Variants in CRTC3 observed in about 807,000 individuals in gnomAD.
The protein encoded by CRTC3 is CREB regulated transcription coactivator 3.
In CRTC3, 26 loss-of-function variants were observed where a neutral mutation model predicts 74.5. The ratio of observed to expected loss-of-function variants is 0.35; its 90% CI spans 0.26 to 0.48. The LOEUF is 0.48. CRTC3 is among the 20% of genes least tolerant of loss of function. The pLI is 0.99. For synonymous variants in CRTC3, 377 were observed against 325.8 expected (o/e 1.16, Z -1.69); for missense variants, 760 against 787.3 (o/e 0.97, Z 0.41).
At chr15:90,598,302 CAGG>C in intron 3 of CRTC3, 1 of 640,710 alleles carries the variant, frequency 1.6e-6, no homozygotes, top group South Asian at 1.8e-5. Context: ...AAGAAAGGGC[CAGG>C]GCGGGTCTTG....
chr15:90,556,958 CTATATATATATATATA>C (rs6145675), intron 2 of CRTC3, among the ~76,000 whole-genome samples: 7,438 of 130,396 alleles, frequency 0.057, 245 homozygotes, highest in South Asian at 0.077. Flanking sequence ...CACCACATGG[CTATATATATATATATA>C]TATATATATA....
rs1267963397 is a variant in CRTC3 at position 90,530,824 on chromosome 15, T to G, written c.132+621T>G. 2 of 152,446 alleles carry G rather than the reference T, an allele frequency of 1.3e-5. No individual in the cohort carries two copies. The highest frequency in any genetic ancestry group is 2.9e-5 in the Non-Finnish European group (2 of 68,302). 9.4% of individuals were successfully genotyped at this position (152,446 alleles called of 1,614,324 possible). ...ACTTTGTTCGGCCCGGGATATTTAG[T>G]GAGAACTGACAAGCGTCGCTGGTGA... On this transcript the variant is annotated intron_variant, in intron 1 of 14. Coordinates refer to ENST00000268184, the MANE Select transcript of CRTC3 (RefSeq NM_022769.5). The surrounding 1 kb of genome is among the most constrained non-coding windows in gnomAD (Gnocchi z 6.2).
chr15:90,584,925 T>G (rs905930145), intron 2 of CRTC3, among the ~76,000 whole-genome samples: 9 of 152,166 alleles, frequency 5.9e-5, no homozygotes, highest in Non-Finnish European at 8.8e-5. Context: ...AGCATTATCG[T>G]CAATGAATAG....
intron 2 of CRTC3, among the ~76,000 whole-genome samples, chr15:90,584,820 C>T (rs1967622576): frequency 6.6e-6 from 1 of 152,072 alleles, no homozygotes; most frequent in South Asian, 2.1e-4. Flanking sequence ...CAACCAGTCT[C>T]CTCTCCTACC....
In CRTC3 at chr15:90,643,524, T is replaced by A. The variant is rs558779248; in HGVS notation, c.*1384T>A. ...GAAGATCTTCCTTCTCAGATCCACG[T>A]TTGGCTCTAAATTGCTTCAAGTAGA... On this transcript the variant is annotated 3_prime_UTR_variant, in exon 15 of 15. Coordinates refer to ENST00000268184, the MANE Select transcript of CRTC3 (RefSeq NM_022769.5). 5.3e-4 allele frequency: 120 copies of A among 228,302 alleles called. No individual in the cohort carries two copies. The highest frequency in any genetic ancestry group is 2.6e-3 in the African/African-American group (116 of 45,088). 14.1% of individuals were successfully genotyped at this position (228,302 alleles called of 1,614,324 possible).
chr15:90,545,066 T>A (rs1376559972), intron 2 of CRTC3, among the ~76,000 whole-genome samples: 1 of 152,206 alleles, frequency 6.6e-6, no homozygotes, highest in African/African-American at 2.4e-5. Flanking sequence ...CTTTGACTAT[T>A]CTAAGTGCCT....
chr15:90,569,764 G>A (rs878898337), intron 2 of CRTC3, among the ~76,000 whole-genome samples: 1 of 151,698 alleles, frequency 6.6e-6, no homozygotes, highest in Non-Finnish European at 1.5e-5. Context: ...ATTTTTTGTA[G>A]AGACAGAGTC....
At chr15:90,589,804 TG>T (rs1216225787) in intron 2 of CRTC3, among the ~76,000 whole-genome samples, 1 of 152,026 alleles carries the variant, frequency 6.6e-6, no homozygotes, top group African/African-American at 2.4e-5. Context: ...GTGGCCAACA[TG>T]GTGAAACCCA....
At chr15:90,625,732 C>A in intron 9 of CRTC3, 44 bp from the exon 10 acceptor site, 1 of 1,558,208 alleles carries the variant, frequency 6.4e-7, no homozygotes, top group Non-Finnish European at 8.9e-7. Flanking sequence ...TTCCCAACAG[C>A]CAAATACATT....
At chr15:90,632,571 C>T (rs189188298) in intron 11 of CRTC3, among the ~76,000 whole-genome samples, 110 of 152,278 alleles carry the variant, frequency 7.2e-4, no homozygotes, top group African/African-American at 2.6e-3. Context: ...CTAGAGATGG[C>T]TGTCAACCAT....
intron 2 of CRTC3, among the ~76,000 whole-genome samples, chr15:90,561,655 A>G (rs1346511650): frequency 6.6e-6 from 1 of 152,194 alleles, no homozygotes; most frequent in African/African-American, 2.4e-5. Flanking sequence ...TCCTTAATCC[A>G]GCCTCTGACT....
chr15:90,627,095 A>G (rs1968862796), intron 10 of CRTC3, among the ~76,000 whole-genome samples: 1 of 152,230 alleles, frequency 6.6e-6, no homozygotes, highest in South Asian at 2.1e-4. Context: ...TCATCCATGC[A>G]AATCAGAACT....
intron 2 of CRTC3, among the ~76,000 whole-genome samples, chr15:90,583,760 C>T (rs1383456014): frequency 6.6e-6 from 1 of 152,104 alleles, no homozygotes; most frequent in African/African-American, 2.4e-5. Flanking sequence ...GTGTTGGGGG[C>T]TGCTGTCAGA....
chr15:90,625,982 G>A lies in CRTC3; in HGVS notation c.956G>A (p.Arg319Lys). The change falls in exon 10 of 15, where the codon AGA (arginine) becomes AAA (lysine). Residue 319 changes from arginine to lysine, a missense_variant. Physicochemically the swap from Arg to Lys is conservative, Grantham distance 26. This residue lies in a region of CRTC3 where 652 missense variants were observed against 635.2 expected (regional missense o/e 1.03). Coordinates refer to ENST00000268184, the MANE Select transcript of CRTC3 (RefSeq NM_022769.5). Reference sequence around the variant, plus strand: ...GCTGCTATGACCCACCTGGGTATAAGAAGCTCCTCTGGTGAGTATCTCCTG... The same window carrying A: ...GCTGCTATGACCCACCTGGGTATAAAAAGCTCCTCTGGTGAGTATCTCCTG... ...IPAAMTHLGI[R>K]SSSGLQSSRS... The A allele has an allele frequency of 6.2e-7, 1 of 1,614,082 alleles. No homozygotes were observed. Among genetic ancestry groups the A allele is most frequent in the Middle Eastern group, 1.7e-4 (1 of 6,060 alleles).
At chr15:90,571,589 G>A (rs1348435644) in intron 2 of CRTC3, among the ~76,000 whole-genome samples, 1 of 152,106 alleles carries the variant, frequency 6.6e-6, no homozygotes, top group Non-Finnish European at 1.5e-5. Flanking sequence ...GCTATTGGAA[G>A]GATATTCATT....
chr15:90,585,454 C>T (rs6496695), intron 2 of CRTC3, among the ~76,000 whole-genome samples: 133,166 of 152,194 alleles, frequency 0.87, 58,638 homozygotes, highest in African/African-American at 0.97. Context: ...CTGGAAAATT[C>T]CTTAATATTT....
At chr15:90,589,709 G>A (rs1424449432) in intron 2 of CRTC3, among the ~76,000 whole-genome samples, 7 of 152,318 alleles carry the variant, frequency 4.6e-5, no homozygotes, top group South Asian at 4.1e-4. Context: ...AATACTGGCC[G>A]GGTGCAGTTG....
intron 11 of CRTC3, chr15:90,635,078 C>A (rs57373970): frequency 1.3e-6 from 1 of 769,166 alleles, no homozygotes. Context: ...CTGCCCATTC[C>A]ACTGAAGTTC....
At chr15:90,604,564 G>C in intron 5 of CRTC3, 117 bp downstream of exon 5, 1 of 806,984 alleles carries the variant, frequency 1.2e-6, no homozygotes, top group East Asian at 2.6e-5. Flanking sequence ...GATATGACAT[G>C]TTCAAAACAA....
Sources: allele counts gnomAD v4.1 joint callset (sites outside exome capture counted in the v4.1 genomes callset), GRCh38; gene constraint gnomAD v4.1.1; regional missense constraint gnomAD v4.1.1; non-coding constraint Gnocchi (gnomAD v3.1); transcripts MANE v1.5; gene names NCBI Gene and HGNC (gene_info 2026-07-23, HGNC 2026-07-21).